Variants in JAZF1 observed in about 807,000 individuals in gnomAD.
The protein encoded by JAZF1 is juxtaposed with another zinc finger protein 1.
JAZF1 carries 8 observed loss-of-function variants against 26.4 expected under a neutral mutation model. That is an observed-to-expected ratio of 0.30 (90% CI 0.18 to 0.55). The LOEUF is 0.55. Among genes scored for constraint, JAZF1 ranks in the 20% least tolerant of loss-of-function variants. The pLI is 0.94. For missense variants in JAZF1, 199 were observed against 322.0 expected, an observed-to-expected ratio of 0.62 and a Z score of 2.92; for synonymous variants, 126 against 122.3, an observed-to-expected ratio of 1.03 and a Z score of -0.20.
chr7:27,993,520 C>A (rs1024696187), intron 1 of JAZF1, among the ~76,000 whole-genome samples: 2 of 152,186 alleles, frequency 1.3e-5, no homozygotes, highest in African/African-American at 4.8e-5. Context: ...GAGAAAGATA[C>A]TTGCTGGAGG....
chr7:28,011,045 G>T (rs974776089), intron 1 of JAZF1, among the ~76,000 whole-genome samples: 1 of 152,054 alleles, frequency 6.6e-6, no homozygotes, highest in African/African-American at 2.4e-5. Context: ...CACCTGGCAG[G>T]GTGTTTCTGC....
chr7:27,860,973 T>G (rs1030387973), intron 3 of JAZF1, among the ~76,000 whole-genome samples: 2 of 152,152 alleles, frequency 1.3e-5, no homozygotes, highest in African/African-American at 2.4e-5. Context: ...ATTCCCCTTC[T>G]CCACTGTCCC....
chr7:28,044,831 A>G (rs1284071466), intron 1 of JAZF1, among the ~76,000 whole-genome samples: 3 of 152,072 alleles, frequency 2.0e-5, no homozygotes, highest in Non-Finnish European at 4.4e-5. Flanking sequence ...GGGAGGATAC[A>G]GATTGAGAGA....
chr7:27,963,672 C>T (rs532123704), intron 2 of JAZF1, among the ~76,000 whole-genome samples: 1 of 151,396 alleles, frequency 6.6e-6, no homozygotes, highest in South Asian at 2.1e-4. Context: ...AGTGATCCTC[C>T]TACCTCAGCC....
At chr7:28,080,004 G>A (rs956672487) in intron 1 of JAZF1, among the ~76,000 whole-genome samples, 1 of 152,178 alleles carries the variant, frequency 6.6e-6, no homozygotes, top group African/African-American at 2.4e-5. Context: ...TCTATAAAGT[G>A]TGCAATAACA....
At chr7:27,948,265 C>T (rs1213178880) in intron 2 of JAZF1, among the ~76,000 whole-genome samples, 4 of 151,994 alleles carry the variant, frequency 2.6e-5, no homozygotes, top group East Asian at 1.9e-4. Context: ...AGCATTTTCC[C>T]GACTGCTTCA....
At chr7:28,174,821 G>GGGGTGTGTGTGTGT (rs758961535) in intron 1 of JAZF1, among the ~76,000 whole-genome samples, 4 of 107,690 alleles carry the variant, frequency 3.7e-5, no homozygotes, top group African/African-American at 1.1e-4. Flanking sequence ...GGGGTGTGTG[G>GGGGTGTGTGTGTGT]GTGTGTGTGT....
chr7:27,857,310 G>A (rs1448703793), intron 3 of JAZF1, among the ~76,000 whole-genome samples: 1 of 152,208 alleles, frequency 6.6e-6, no homozygotes, highest in Non-Finnish European at 1.5e-5. Context: ...TCCGAGTGCG[G>A]GGACCGCCGA....
intron 3 of JAZF1, chr7:27,841,828 G>A (rs149581682): frequency 1.0e-3 from 153 of 152,178 alleles, no homozygotes; most frequent in African/African-American, 3.2e-3. Flanking sequence ...TAATTCTACC[G>A]ATCATAAACA....
chr7:28,021,203 G>T (rs1783001680), intron 1 of JAZF1, among the ~76,000 whole-genome samples: 1 of 152,156 alleles, frequency 6.6e-6, no homozygotes. Context: ...CATCAGGAAA[G>T]ACTCCCATGG....
At chr7:28,054,687 G>C (rs1336229790) in intron 1 of JAZF1, among the ~76,000 whole-genome samples, 1 of 152,096 alleles carries the variant, frequency 6.6e-6, no homozygotes, top group Non-Finnish European at 1.5e-5. Context: ...GAGGCCATTA[G>C]GGTAAATGTG....
chr7:28,095,549 G>A (rs930200342), intron 1 of JAZF1, among the ~76,000 whole-genome samples: 1 of 152,128 alleles, frequency 6.6e-6, no homozygotes, highest in Non-Finnish European at 1.5e-5. Flanking sequence ...GACACGTGGG[G>A]ATTATGGGGA....
chr7:28,165,248 T>C (rs935971446), intron 1 of JAZF1, among the ~76,000 whole-genome samples: 1 of 152,114 alleles, frequency 6.6e-6, no homozygotes, highest in African/African-American at 2.4e-5. Context: ...ACTAAATAAA[T>C]TACATTAGTC....
intron 1 of JAZF1, among the ~76,000 whole-genome samples, chr7:28,135,258 A>C (rs917202174): frequency 6.6e-6 from 1 of 151,374 alleles, no homozygotes; most frequent in Admixed American, 6.5e-5. Flanking sequence ...AAAACTAAGG[A>C]GCCCTCTCTC....
chr7:27,898,275 T>A (rs1424427268), intron 2 of JAZF1, among the ~76,000 whole-genome samples: 1 of 115,026 alleles, frequency 8.7e-6, no homozygotes, highest in African/African-American at 3.2e-5. Context: ...AAGGCTTCTC[T>A]ACGTCTAACT....
intron 1 of JAZF1, among the ~76,000 whole-genome samples, chr7:28,155,469 T>A (rs181061273): frequency 3.9e-5 from 6 of 152,348 alleles, no homozygotes; most frequent in South Asian, 2.1e-4. Flanking sequence ...CACAGAGTTA[T>A]ACGGTCTTCA....
chr7:27,943,851 T>C (rs1027287880), intron 2 of JAZF1, among the ~76,000 whole-genome samples: 4 of 152,220 alleles, frequency 2.6e-5, no homozygotes, highest in African/African-American at 9.6e-5. Flanking sequence ...TTCAACATCC[T>C]GATGCTTCTC....
chr7:28,119,190 C>T (rs1209150486), intron 1 of JAZF1, among the ~76,000 whole-genome samples: 1 of 152,170 alleles, frequency 6.6e-6, no homozygotes, highest in Non-Finnish European at 1.5e-5. Flanking sequence ...AACCTGCAGA[C>T]CATCACTCAC....
intron 1 of JAZF1, among the ~76,000 whole-genome samples, chr7:27,994,745 T>C (rs1232301489): frequency 6.6e-6 from 1 of 152,220 alleles, no homozygotes; most frequent in Non-Finnish European, 1.5e-5. Flanking sequence ...TGGTCACAAA[T>C]AAATGTTGGT....
Sources: allele counts gnomAD v4.1 joint callset (sites outside exome capture counted in the v4.1 genomes callset), GRCh38; gene constraint gnomAD v4.1.1; transcripts MANE v1.5; gene names NCBI Gene and HGNC (gene_info 2026-07-23, HGNC 2026-07-21).